Variants in LDB2 observed in about 807,000 individuals in gnomAD.
LDB2 encodes the protein LIM domain binding 2.
Under a neutral mutation model 44.3 loss-of-function variants are expected in LDB2, and 12 were observed. The ratio of observed to expected loss-of-function variants is 0.27; its 90% CI spans 0.17 to 0.44. LDB2 has a LOEUF of 0.44. Ranked by LOEUF, LDB2 falls within the 20% of genes least tolerant of loss-of-function variation. The pLI is 1.00. For synonymous variants in LDB2, 164 were observed against 174.8 expected (o/e 0.94, Z 0.49); for missense variants, 344 against 473.5 (o/e 0.73, Z 2.54).
rs752267873 is a variant in LDB2, at chr4:16,502,636, G to A, written c.*7C>T. 1.2e-5 allele frequency: 20 copies of A among 1,612,814 alleles called. No individual in the cohort carries two copies. Among genetic ancestry groups the A allele is most frequent in the South Asian group, 3.3e-5 (3 of 91,074 alleles). ...CCTATTGACAGTGGATTCTGGTGCC[G>A]ATCATCTTATTGGGAAGCCTGGGGT... On this transcript the variant is annotated 3_prime_UTR_variant, in exon 8 of 8. Transcript: ENST00000304523.
At chr4:16,563,279 G>C (rs375813263) in intron 5 of LDB2, among the ~76,000 whole-genome samples, 3 of 151,428 alleles carry the variant, frequency 2.0e-5, no homozygotes, top group Non-Finnish European at 4.4e-5. Flanking sequence ...CAGGATTCCA[G>C]GATCTCGTTT....
chr4:16,607,764 G>T (rs1724343036), intron 2 of LDB2, among the ~76,000 whole-genome samples: 1 of 152,094 alleles, frequency 6.6e-6, no homozygotes, highest in South Asian at 2.1e-4. Context: ...AACGTTTCTT[G>T]ATCATTTCAG....
intron 2 of LDB2, among the ~76,000 whole-genome samples, chr4:16,642,723 TTTAA>T (rs1453182650): frequency 6.6e-6 from 1 of 152,090 alleles, no homozygotes; most frequent in Non-Finnish European, 1.5e-5. Flanking sequence ...TAAGGATATG[TTTAA>T]TTATTGCCCC....
intron 1 of LDB2, among the ~76,000 whole-genome samples, chr4:16,889,827 T>G (rs544837099): frequency 6.6e-6 from 1 of 152,204 alleles, no homozygotes; most frequent in Non-Finnish European, 1.5e-5. Context: ...ATAATTCCTA[T>G]GAAGAAGGCA....
intron 5 of LDB2, among the ~76,000 whole-genome samples, chr4:16,524,315 A>G (rs1402357412): frequency 6.6e-6 from 1 of 152,184 alleles, no homozygotes; most frequent in Non-Finnish European, 1.5e-5. Flanking sequence ...AGGATTCCAA[A>G]CTGGATGCAC....
intron 1 of LDB2, among the ~76,000 whole-genome samples, chr4:16,782,352 CTT>C (rs113490072): frequency 1.7e-4 from 25 of 143,356 alleles, no homozygotes; most frequent in African/African-American, 2.3e-4. Context: ...AAAATAAATA[CTT>C]TTTTTTTTTT....
At chr4:16,554,446 C>T (rs1241634735) in intron 5 of LDB2, among the ~76,000 whole-genome samples, 1 of 152,160 alleles carries the variant, frequency 6.6e-6, no homozygotes, top group Non-Finnish European at 1.5e-5. Flanking sequence ...CAGGAAGACT[C>T]CTGATCTCCT....
At chr4:16,675,800 C>T (rs1211244624) in intron 2 of LDB2, among the ~76,000 whole-genome samples, 1 of 152,128 alleles carries the variant, frequency 6.6e-6, no homozygotes, top group African/African-American at 2.4e-5. Context: ...TTTCCCATTG[C>T]AACAATTCAA....
chr4:16,849,994 C>T (rs535729780), intron 1 of LDB2, among the ~76,000 whole-genome samples: 54 of 152,320 alleles, frequency 3.5e-4, no homozygotes, highest in African/African-American at 1.3e-3. Context: ...CTTTCATCTT[C>T]AAAACTCCAA....
At chr4:16,742,074 C>CTTTTTTTTTTTTTTTTTTTTTTT (rs33990510) in intron 2 of LDB2, among the ~76,000 whole-genome samples, 6 of 128,310 alleles carry the variant, frequency 4.7e-5, no homozygotes, top group South Asian at 2.5e-4. Context: ...CTTTTCTTTT[C>CTTTTTTTTTTTTTTTTTTTTTTT]TTTTTTTTTT....
chr4:16,740,764 T>C (rs1417510942), intron 2 of LDB2, among the ~76,000 whole-genome samples: 3 of 152,234 alleles, frequency 2.0e-5, no homozygotes, highest in Non-Finnish European at 4.4e-5. Context: ...CCTTACTCTA[T>C]TGCACAGGCA....
At chr4:16,717,750 C>G (rs1757386232) in intron 2 of LDB2, among the ~76,000 whole-genome samples, 1 of 152,106 alleles carries the variant, frequency 6.6e-6, no homozygotes, top group Non-Finnish European at 1.5e-5. Flanking sequence ...GTATTTCGCC[C>G]AAATTTCTCC....
rs140206515 is a variant in LDB2 at position 16,773,459 on chromosome 4, G to A, written c.133-14199C>T. Among the ~76,000 whole-genome samples the A allele has an allele frequency of 1.4e-3, 206 of 152,246 alleles. 7 individuals carry two copies. In the East Asian group the frequency reaches 0.024, roughly 18 times the overall value. ...TTGGCATATGATGGGAGACAGCGAC[G>A]GATCATCAGGCATTAGATTCTCATG... On this transcript the variant is annotated intron_variant, in intron 1 of 7. Transcript: ENST00000304523.
intron 2 of LDB2, among the ~76,000 whole-genome samples, chr4:16,655,407 T>G (rs1403682035): frequency 6.6e-6 from 1 of 151,922 alleles, no homozygotes; most frequent in East Asian, 1.9e-4. Flanking sequence ...ATCAGGGGAG[T>G]GTTTCTGATG....
chr4:16,615,994 T>A (rs1727191341), intron 2 of LDB2, among the ~76,000 whole-genome samples: 1 of 152,178 alleles, frequency 6.6e-6, no homozygotes, highest in South Asian at 2.1e-4. Flanking sequence ...AGCAACCTCA[T>A]GGGGATGTTG....
intron 5 of LDB2, among the ~76,000 whole-genome samples, chr4:16,557,264 C>T (rs1216653051): frequency 6.6e-6 from 1 of 152,180 alleles, no homozygotes; most frequent in Non-Finnish European, 1.5e-5. Context: ...GAGGCATTGC[C>T]TTACTCGGGA....
chr4:16,802,965 C>A (rs1012299687), intron 1 of LDB2, among the ~76,000 whole-genome samples: 7 of 152,188 alleles, frequency 4.6e-5, no homozygotes, highest in Non-Finnish European at 8.8e-5. Context: ...ATTCAGGGGG[C>A]TGTCACTGGA....
intron 2 of LDB2, among the ~76,000 whole-genome samples, chr4:16,616,156 A>G (rs1214283052): frequency 6.6e-6 from 1 of 152,214 alleles, no homozygotes; most frequent in Non-Finnish European, 1.5e-5. Context: ...TACAAGCTCC[A>G]GAAAGGGAAG....
rs535609179 is a variant in LDB2 at position 16,641,506 on chromosome 4, C to T, written c.236-45631G>A. Among the ~76,000 whole-genome samples, 6 of 152,126 alleles carry T rather than the reference C, an allele frequency of 3.9e-5. No individual in the cohort carries two copies. The South Asian group carries it at 1.2e-3, about 32-fold the overall frequency. On this transcript the variant is annotated intron_variant, in intron 2 of 7. Transcript: ENST00000304523. ...TGCTTCCAGTAAGGGCCTCGGGGGGCTTTTACTCATGGCAGAAGGTGAAGC... is the reference window on the plus strand; with the variant it reads ...TGCTTCCAGTAAGGGCCTCGGGGGGTTTTTACTCATGGCAGAAGGTGAAGC...
Sources: gnomAD v4.1 joint callset for allele counts (sites outside exome capture counted in the v4.1 genomes callset) on GRCh38, gnomAD v4.1.1 for gene constraint, MANE v1.5 for transcripts, NCBI Gene and HGNC (gene_info 2026-07-23, HGNC 2026-07-21) for gene names.